RALB: variants seen among roughly 807,000 people sequenced by gnomAD.
RALB encodes ras-related protein Ral-B.
A neutral mutation model predicts 21.3 loss-of-function variants in RALB; 16 were observed. The ratio of observed to expected loss-of-function variants is 0.75; its 90% CI spans 0.51 to 1.14. RALB has a LOEUF of 1.14. Ranked by LOEUF, RALB falls within the 50% of genes most tolerant of loss-of-function variation. RALB has a pLI of 0.00. For synonymous variants in RALB, 93 were observed against 96.1 expected (o/e 0.97, Z 0.19); for missense variants, 161 against 256.2 (o/e 0.63, Z 2.54).
chr2:120,279,418 C>T (rs1436469143), intron 2 of RALB, among the ~76,000 whole-genome samples: 2 of 151,960 alleles, frequency 1.3e-5, no homozygotes, highest in Non-Finnish European at 2.9e-5. Flanking sequence ...TAGAATGAAA[C>T]GTTGCGGAAT....
upstream of RALB, among the ~76,000 whole-genome samples, chr2:120,252,168 T>G (rs969005333): frequency 6.6e-6 from 1 of 151,372 alleles, no homozygotes; most frequent in Non-Finnish European, 1.5e-5. Flanking sequence ...TCCACCGAGA[T>G]GAAGCTGTAC....
rs745653359 is a variant in RALB, at chr2:120,289,588, T to C, written c.332T>C (p.Ile111Thr). 1 of 1,613,974 alleles carries C rather than the reference T, an allele frequency of 6.2e-7. No homozygotes were observed. The highest frequency in any genetic ancestry group is 2.2e-5 in the East Asian group (1 of 44,884). The change falls in exon 4 of 5, where the codon ATT becomes ACT. Residue 111 changes from isoleucine to threonine, a missense_variant. Coordinates refer to ENST00000272519, the MANE Select transcript of RALB (RefSeq NM_002881.3). ...FTATAEFREQ[I>T]LRVKAEEDKI... Reference sequence around the variant, plus strand: ...TTGGTGTAACACCTTAGGGAACAGATTCTCCGTGTGAAGGCTGAAGAAGAT... The same window carrying C: ...TTGGTGTAACACCTTAGGGAACAGACTCTCCGTGTGAAGGCTGAAGAAGAT...
At chr2:120,253,571 C>G (rs1183680156) in intron 1 of RALB, 1 of 985,400 alleles carries the variant, frequency 1.0e-6, no homozygotes, top group South Asian at 4.7e-5. Context: ...GACTGGGCAT[C>G]GCCGTCCCGG....
In RALB at chr2:120,288,342, G is replaced by GTTTTTTTTTTTTTTTTTT. The variant is rs547733377; in HGVS notation, c.324-1227_324-1226insTTTTTTTTTTTTTTTTTT. On this transcript the variant is annotated intron_variant, in intron 3 of 4. Coordinates refer to ENST00000272519, the MANE Select transcript of RALB (RefSeq NM_002881.3). ...TTAAATTGACTACATGAAAATTTTAGTTTTTTTTTTTGTTTTTTTTTTTGT... is the reference window on the plus strand; with the variant it reads ...TTAAATTGACTACATGAAAATTTTAGTTTTTTTTTTTTTTTTTTTTTTTTTTTTTGTTTTTTTTTTTGT... Among the ~76,000 whole-genome samples the GTTTTTTTTTTTTTTTTTT allele has an allele frequency of 4.3e-5, 5 of 117,092 alleles. 1 individual carries two copies. The highest frequency in any genetic ancestry group is 6.6e-5 in the Non-Finnish European group (4 of 60,192). 76.8% of individuals were successfully genotyped at this position (117,092 alleles called of 152,430 possible).
chr2:120,268,033 GC>G lies in RALB; in HGVS notation c.-47-10582del, dbSNP rs545975698. Among the ~76,000 whole-genome samples, 12 of 152,228 alleles carry G rather than the reference GC, an allele frequency of 7.9e-5. No homozygotes were observed. The East Asian group carries it at 2.3e-3, about 29-fold the overall frequency. On this transcript the variant is annotated intron_variant, in intron 1 of 4. Coordinates refer to ENST00000272519, the MANE Select transcript of RALB (RefSeq NM_002881.3). The stretch of plus-strand genomic sequence containing the variant: ...TCTTGAGCTCCTGACCTCGTGATCT[GC>G]CCGCCTTAGCCTCCCAAAGTGCTGG...
At chr2:120,245,954 T>C (rs531853969) in intron 1 of RALB, among the ~76,000 whole-genome samples, 15 of 152,256 alleles carry the variant, frequency 9.9e-5, no homozygotes, top group African/African-American at 3.6e-4. Context: ...ACCCCAGAGA[T>C]GCGCATTTTA....
upstream of RALB, among the ~76,000 whole-genome samples, chr2:120,248,604 C>T (rs1378207985): frequency 6.6e-6 from 1 of 152,212 alleles, no homozygotes; most frequent in Non-Finnish European, 1.5e-5. Context: ...ATCCTAACCT[C>T]GGTTCCACAT....
At chr2:120,281,336 A>T (rs959598998) in intron 2 of RALB, among the ~76,000 whole-genome samples, 4 of 152,218 alleles carry the variant, frequency 2.6e-5, no homozygotes, top group African/African-American at 9.7e-5. Flanking sequence ...GCCAGCCTAG[A>T]CGGTCTTATA....
chr2:120,266,333 C>G (rs1171700774), intron 1 of RALB, among the ~76,000 whole-genome samples: 2 of 152,210 alleles, frequency 1.3e-5, no homozygotes, highest in Non-Finnish European at 2.9e-5. Context: ...CAACCTCCAC[C>G]TCCCGGGTTC....
intron 3 of RALB, among the ~76,000 whole-genome samples, chr2:120,289,244 G>T (rs11895205): frequency 0.12 from 16,094 of 134,780 alleles, 2,393 homozygotes; most frequent in African/African-American, 0.38. Context: ...TCTTCTTTTT[G>T]TTTTTTTTTT....
At chr2:120,253,860 T>A in intron 1 of RALB, 1 of 279,622 alleles carries the variant, frequency 3.6e-6, no homozygotes, top group Non-Finnish European at 5.4e-6. Flanking sequence ...GTGCACTTTC[T>A]GCTCTGTCCT....
At chr2:120,287,254 G>A (rs1690188251) in intron 3 of RALB, among the ~76,000 whole-genome samples, 1 of 152,192 alleles carries the variant, frequency 6.6e-6, no homozygotes, top group African/African-American at 2.4e-5. Flanking sequence ...TCACCCAGCA[G>A]GGCTAGTGAA....
At chr2:120,275,323 A>T (rs1412924013) in intron 1 of RALB, among the ~76,000 whole-genome samples, 1 of 152,172 alleles carries the variant, frequency 6.6e-6, no homozygotes, top group Non-Finnish European at 1.5e-5. Context: ...AATTACCAAG[A>T]ACAGCAACCA....
chr2:120,254,769 C>A (rs1286050255), intron 1 of RALB, among the ~76,000 whole-genome samples: 1 of 152,174 alleles, frequency 6.6e-6, no homozygotes, highest in Non-Finnish European at 1.5e-5. Context: ...CCCCCACCTC[C>A]CAGGCTCAGG....
At chr2:120,280,883 CAAAA>C (rs1043769336) in intron 2 of RALB, 2 of 440,428 alleles carry the variant, frequency 4.5e-6, no homozygotes, top group African/African-American at 2.0e-5. Context: ...ATACAGCAAA[CAAAA>C]AAGTAGAAGG....
At chr2:120,276,871 AGG>A (rs1363354809) in intron 1 of RALB, among the ~76,000 whole-genome samples, 1 of 152,210 alleles carries the variant, frequency 6.6e-6, no homozygotes, top group Non-Finnish European at 1.5e-5. Flanking sequence ...AACTAGTTCT[AGG>A]GTCACGCAGC....
At chr2:120,267,169 GTTAAC>G (rs1044159478) in intron 1 of RALB, among the ~76,000 whole-genome samples, 3 of 152,176 alleles carry the variant, frequency 2.0e-5, no homozygotes, top group African/African-American at 7.2e-5. Flanking sequence ...TTTTGTTTTA[GTTAAC>G]TTCATTTGTT....
chr2:120,260,473 G>A (rs1039401935), intron 1 of RALB, among the ~76,000 whole-genome samples: 6 of 152,282 alleles, frequency 3.9e-5, no homozygotes, highest in Non-Finnish European at 8.8e-5. Flanking sequence ...GGCCAGGAGA[G>A]CGGTCAGGGC....
rs200211173 is a variant in RALB, at chr2:120,289,650, C to G, written c.394C>G (p.Leu132Val). The G allele has an allele frequency of 1.2e-6, 2 of 1,614,118 alleles. No individual in the cohort carries two copies. The highest frequency in any genetic ancestry group is 2.2e-5 in the East Asian group (1 of 44,888). The change falls in exon 4 of 5, where the codon CTA (leucine) becomes GTA (valine). Residue 132 changes from leucine (L) to valine (V), a missense_variant. By Grantham distance (32) the Leu-to-Val change is conservative. Transcript: ENST00000272519. The part of the protein sequence containing the change: ...PLLVVGNKSD[L>V]EERRQVPVEE... ...GCTCGTCGTGGGAAACAAGTCTGAC[C>G]TAGAGGAGCGGAGGCAGGTGCCTGT...
Sources: allele counts gnomAD v4.1 joint callset (sites outside exome capture counted in the v4.1 genomes callset), GRCh38; gene constraint gnomAD v4.1.1; transcripts MANE v1.5; gene names NCBI Gene and HGNC (gene_info 2026-07-23, HGNC 2026-07-21).